The following CXADR variants were observed in gnomAD, a reference collection of about 807,000 sequenced individuals.
CXADR encodes the protein CXADR cell adhesion molecule.
A neutral mutation model predicts 40.3 loss-of-function variants in CXADR; 20 were observed. The observed-to-expected ratio is 0.50, with a 90% CI of 0.35 to 0.72. The LOEUF is 0.72. CXADR is among the 30% of genes least tolerant of loss of function. The pLI is 0.01. For missense variants in CXADR, 332 were observed against 449.1 expected (o/e 0.74, Z 2.36); for synonymous variants, 150 against 161.3 (o/e 0.93, Z 0.53).
intron 4 of CXADR, among the ~76,000 whole-genome samples, chr21:17,559,699 A>C (rs1417133452): frequency 1.5e-5 from 2 of 130,170 alleles, no homozygotes; most frequent in African/African-American, 5.7e-5. Context: ...TTTCCGAGAC[A>C]AGGGGTCTCG....
chr21:17,583,368 A>C (rs570814027), intron 7 of CXADR, among the ~76,000 whole-genome samples: 1 of 152,314 alleles, frequency 6.6e-6, no homozygotes, highest in East Asian at 1.9e-4. Flanking sequence ...TCTGCAAAAA[A>C]CAGAAACGTC....
intron 7 of CXADR, chr21:17,593,005 G>T: frequency 1.6e-6 from 1 of 606,892 alleles, no homozygotes; most frequent in Non-Finnish European, 2.4e-6. Context: ...AGCAAGTTGT[G>T]ATTTTTCTGG....
intron 3 of CXADR, among the ~76,000 whole-genome samples, chr21:17,553,206 C>G (rs1452710376): frequency 1.3e-5 from 2 of 152,152 alleles, no homozygotes; most frequent in Non-Finnish European, 2.9e-5. Context: ...TACAAGAATA[C>G]TCTTTAGGAG....
intron 1 of CXADR, among the ~76,000 whole-genome samples, chr21:17,520,836 T>C (rs530572417): frequency 1.3e-5 from 2 of 152,300 alleles, no homozygotes; most frequent in Admixed American, 6.5e-5. Flanking sequence ...GGCTTGAGTG[T>C]ATAATGATGT....
At chr21:17,583,526 T>C (rs2061375219) in intron 7 of CXADR, among the ~76,000 whole-genome samples, 1 of 152,226 alleles carries the variant, frequency 6.6e-6, no homozygotes, top group South Asian at 2.1e-4. Context: ...ACATCATCCA[T>C]TTTAGTATCA....
At chr21:17,531,471 A>G (rs2060675390) in intron 1 of CXADR, among the ~76,000 whole-genome samples, 3 of 152,152 alleles carry the variant, frequency 2.0e-5, no homozygotes, top group Admixed American at 2.0e-4. Flanking sequence ...ATGTAAAACT[A>G]GAGAAAATTA....
intron 1 of CXADR, among the ~76,000 whole-genome samples, chr21:17,524,201 A>G (rs2060567803): frequency 6.6e-6 from 1 of 151,708 alleles, no homozygotes; most frequent in African/African-American, 2.4e-5. Flanking sequence ...GCCTACATTG[A>G]TCTCTTCTGT....
At chr21:17,583,464 C>A (rs976488119) in intron 7 of CXADR, among the ~76,000 whole-genome samples, 21 of 152,254 alleles carry the variant, frequency 1.4e-4, no homozygotes, top group African/African-American at 4.8e-4. Context: ...AAGAGATTAA[C>A]TTGGGGTGGT....
the CXADR span, among the ~76,000 whole-genome samples, chr21:17,608,373 C>CAA: frequency 7.7e-4 from 106 of 137,136 alleles, no homozygotes; most frequent in East Asian, 0.012. Context: ...AACAATACCA[C>CAA]AAAAAAAAAA....
chr21:17,634,364 T>G, the CXADR span, among the ~76,000 whole-genome samples: 2 of 152,240 alleles, frequency 1.3e-5, no homozygotes, highest in Non-Finnish European at 2.9e-5. Flanking sequence ...TTGTTCATGT[T>G]GCGTATCTTT....
chr21:17,607,730 C>T, the CXADR span, among the ~76,000 whole-genome samples: 3 of 152,184 alleles, frequency 2.0e-5, no homozygotes, highest in Non-Finnish European at 4.4e-5. Flanking sequence ...TCAATATACA[C>T]AAATAAAAGA....
chr21:17,567,575 A>G lies in CXADR; in HGVS notation c.*1883A>G, dbSNP rs2061226816. ...CTTGCCTCTTTTCTGTTCTTTGTGG[A>G]TATAACTTAAGCAATTGTGTTATTC... On this transcript the variant is annotated 3_prime_UTR_variant, in exon 7 of 7. Transcript: ENST00000284878. 2 of 985,044 alleles carry G rather than the reference A, an allele frequency of 2.0e-6. No homozygotes were observed. Among genetic ancestry groups the G allele is most frequent in the Non-Finnish European group, 2.4e-6 (2 of 829,610 alleles). 61.0% of individuals were successfully genotyped at this position (985,044 alleles called of 1,614,324 possible).
intron 1 of CXADR, among the ~76,000 whole-genome samples, chr21:17,533,073 G>A (rs555051582): frequency 6.6e-6 from 1 of 152,146 alleles, no homozygotes; most frequent in East Asian, 1.9e-4. Flanking sequence ...GCTTCTTGTT[G>A]GTTGATTGAT....
intron 1 of CXADR, among the ~76,000 whole-genome samples, chr21:17,534,073 C>CACATATATATAGCTATATATATAT (rs2060717517): frequency 1.8e-5 from 1 of 54,590 alleles, no homozygotes; most frequent in Admixed American, 2.7e-4. Context: ...TATATATACA[C>CACATATATATAGCTATATATATAT]ACACACACAT....
the CXADR span, among the ~76,000 whole-genome samples, chr21:17,617,860 T>G: frequency 6.6e-6 from 1 of 152,160 alleles, no homozygotes; most frequent in South Asian, 2.1e-4. Flanking sequence ...GACTCTCCTT[T>G]TCATGAAAGA....
intron 3 of CXADR, among the ~76,000 whole-genome samples, chr21:17,557,264 C>G (rs2061048301): frequency 6.6e-6 from 1 of 152,182 alleles, no homozygotes; most frequent in African/African-American, 2.4e-5. Context: ...CTATTGCTGT[C>G]TTTTCTAGTG....
the CXADR span, among the ~76,000 whole-genome samples, chr21:17,610,576 T>C: frequency 1.3e-5 from 2 of 152,232 alleles, no homozygotes; most frequent in Admixed American, 6.5e-5. Flanking sequence ...TGATTTATCA[T>C]TGATTAATCC....
intron 1 of CXADR, chr21:17,518,738 C>T: frequency 6.3e-7 from 1 of 1,594,912 alleles, no homozygotes. Flanking sequence ...TCTGCATGAC[C>T]AGTAATTGCA....
chr21:17,621,746 G>C, the CXADR span, among the ~76,000 whole-genome samples: 4 of 152,100 alleles, frequency 2.6e-5, no homozygotes, highest in Admixed American at 2.6e-4. Flanking sequence ...AGAACCTGCT[G>C]GCAACTTGAT....
Sources: allele counts gnomAD v4.1 joint callset (sites outside exome capture counted in the v4.1 genomes callset), GRCh38; gene constraint gnomAD v4.1.1; transcripts MANE v1.5; gene names NCBI Gene and HGNC (gene_info 2026-07-23, HGNC 2026-07-21).